DOCK4: variants seen among roughly 807,000 people sequenced by gnomAD.
The protein encoded by DOCK4 is dedicator of cytokinesis 4.
Under a neutral mutation model 268.1 loss-of-function variants are expected in DOCK4, and 97 were observed. That is an observed-to-expected ratio of 0.36 (90% CI 0.31 to 0.43). DOCK4 has a LOEUF of 0.43. Among genes scored for constraint, DOCK4 ranks in the 20% least tolerant of loss-of-function variants. The pLI, the probability that DOCK4 is intolerant of heterozygous loss-of-function variation, is 1.00. For synonymous variants in DOCK4, 954 were observed against 887.2 expected, an observed-to-expected ratio of 1.08 and a Z score of -1.34; for missense variants, 2,145 against 2,455.7, an observed-to-expected ratio of 0.87 and a Z score of 2.67.
At position 111,728,460 on chromosome 7, in the gene DOCK4, G is replaced by C. The variant is rs1163976466; in HGVS notation, c.5742C>G (p.Val1914=). ...KESKTPPPYS[V]YERTLRRPVP... ...CGGGGCGCCGCAGAGTCCGCTCGTA[G>C]ACGCTGTACGGGGGCGGAGTCTTGC... is the stretch of plus-strand genomic sequence containing the variant. The change falls in exon 53 of 53, where the codon GTC becomes GTG. Residue 1914 remains valine (V), a synonymous_variant. Coordinates refer to ENST00000428084, the MANE Select transcript of DOCK4 (RefSeq NM_001363540.2). 1 of 1,609,636 alleles carries C rather than the reference G, an allele frequency of 6.2e-7. No homozygotes were observed. Among genetic ancestry groups the C allele is most frequent in the Admixed American group, 1.7e-5 (1 of 59,750 alleles).
Position 111,869,641 on chromosome 7 carries a change from A to G in DOCK4, c.2042T>C (p.Val681Ala), listed in dbSNP as rs1469685835. 6.2e-7 allele frequency: 1 copy of G among 1,613,284 alleles called. No individual in the cohort carries two copies. Among genetic ancestry groups the G allele is most frequent in the Non-Finnish European group, 8.5e-7 (1 of 1,179,366 alleles). Residue 681 changes from valine to alanine, a missense_variant, in exon 21 of 53, where the codon GTG becomes GCG. Physicochemically the swap from Val to Ala is moderately conservative, Grantham distance 64. Transcript: ENST00000428084. ...GATCCGGTCCACGTACCATTTGAGCACTTTGATGAGATCTCTAAAATACAG... is the reference window on the plus strand; with the variant it reads ...GATCCGGTCCACGTACCATTTGAGCGCTTTGATGAGATCTCTAAAATACAG... ...GALAYRDLIK[V>A]LKWYVDRITE...
intron 45 of DOCK4, 24 bp from the exon 46 acceptor site, chr7:111,741,685 T>G: frequency 6.2e-7 from 1 of 1,609,514 alleles, no homozygotes; most frequent in Non-Finnish European, 8.5e-7. Context: ...AAAGGAAATA[T>G]CTCATTACAG....
chr7:111,945,832 T>C, intron 8 of DOCK4, 34 bp from the exon 9 acceptor site: 1 of 1,493,032 alleles, frequency 6.7e-7, no homozygotes, highest in Non-Finnish European at 9.1e-7. Flanking sequence ...AATTTGAAAA[T>C]TATTTAATAG....
intron 52 of DOCK4, 106 bp downstream of exon 52, chr7:111,732,120 G>A (rs966374180): frequency 8.8e-7 from 1 of 1,138,028 alleles, no homozygotes; most frequent in Non-Finnish European, 1.3e-6. Context: ...TAAGTTCTTT[G>A]CCTGGTCCCT....
Position 112,176,023 on chromosome 7 carries a change from T to C in DOCK4, c.37+30079A>G, listed in dbSNP as rs151130202. Among the ~76,000 whole-genome samples the C allele has an allele frequency of 1.0e-3, 159 of 152,346 alleles. 2 individuals are homozygous for C. The East Asian group carries it at 0.026, about 25-fold the overall frequency. ...TCTCAATTTTGTGGAAAATAAAGAA[T>C]TGGATGCCACCTGAATTGCAAAAGT... On this transcript the variant is annotated intron_variant, in intron 1 of 52. Coordinates refer to ENST00000428084, the MANE Select transcript of DOCK4 (RefSeq NM_001363540.2).
At chr7:112,060,900 T>G (rs1376487090) in intron 1 of DOCK4, among the ~76,000 whole-genome samples, 1 of 152,146 alleles carries the variant, frequency 6.6e-6, no homozygotes, top group East Asian at 1.9e-4. Flanking sequence ...GGACTGATGT[T>G]TGCACAACAC....
chr7:111,983,013 T>C (rs1798726257), intron 7 of DOCK4, among the ~76,000 whole-genome samples: 1 of 152,236 alleles, frequency 6.6e-6, no homozygotes, highest in South Asian at 2.1e-4. Context: ...CTGACCTCTA[T>C]GTTCTCCCTA....
Position 112,018,143 on chromosome 7 carries a change from CAAAAAAAAAAA to C in DOCK4, c.38-14023_38-14013del, listed in dbSNP as rs140883588. Among the ~76,000 whole-genome samples the C allele has an allele frequency of 3.0e-3, 61 of 20,632 alleles. 3 individuals carry two copies. The highest frequency in any genetic ancestry group is 0.013 in the South Asian group (4 of 302). 13.5% of individuals were successfully genotyped at this position (20,632 alleles called of 152,430 possible). A position where few individuals can be genotyped will look rare whatever the true frequency, so the allele number is the denominator to read the frequency against. On this transcript the variant is annotated intron_variant, in intron 1 of 52. Coordinates refer to ENST00000428084, the MANE Select transcript of DOCK4 (RefSeq NM_001363540.2). The stretch of plus-strand genomic sequence containing the variant: ...TGGGCAACACAGCAAGACTCCAGCT[CAAAAAAAAAAA>C]AAAAAAAAAAAAAAAAAAAAAAAAA...
At chr7:112,167,940 G>A (rs914645065) in intron 1 of DOCK4, among the ~76,000 whole-genome samples, 1 of 151,712 alleles carries the variant, frequency 6.6e-6, no homozygotes, top group Non-Finnish European at 1.5e-5. Context: ...AACTTAAAAT[G>A]TAGTCACTTG....
chr7:112,066,993 C>CA (rs1426776080), intron 1 of DOCK4, among the ~76,000 whole-genome samples: 3 of 149,360 alleles, frequency 2.0e-5, no homozygotes, highest in South Asian at 2.1e-4. Context: ...CACACACACA[C>CA]ACAAAAAAAC....
intron 30 of DOCK4, among the ~76,000 whole-genome samples, chr7:111,797,081 T>G (rs1563518243): frequency 6.6e-6 from 1 of 152,224 alleles, no homozygotes; most frequent in African/African-American, 2.4e-5. Context: ...ATCTTCAGTT[T>G]ACACCCCTCT....
intron 1 of DOCK4, among the ~76,000 whole-genome samples, chr7:112,172,126 G>A (rs996228653): frequency 3.9e-5 from 6 of 152,164 alleles, no homozygotes; most frequent in African/African-American, 1.4e-4. Context: ...ATATGAATTA[G>A]GGGTGAAGAG....
rs1310276550 is a variant in DOCK4 at position 112,005,737 on chromosome 7, A to G, written c.38-1606T>C. 2.6e-5 allele frequency among the ~76,000 whole-genome samples: 4 copies of G among 152,140 alleles called. No homozygotes were observed. The East Asian group carries it at 5.8e-4, about 22-fold the overall frequency. On this transcript the variant is annotated intron_variant, in intron 1 of 52. Coordinates refer to ENST00000428084, the MANE Select transcript of DOCK4 (RefSeq NM_001363540.2). ...GAAGTCTTGGTGCATGGACTTCCCA[A>G]CACAGTTTTGTACACAGCTCCTACC...
At position 111,746,478 on chromosome 7, in the gene DOCK4, T is replaced by C. The variant is rs566229999; in HGVS notation, c.4594-61A>G. ...GAGTACAAGGCAAGTCAAAGACAAGTTGTTTTTAAAGACCTGGCATCTTTA... is the reference window on the plus strand; with the variant it reads ...GAGTACAAGGCAAGTCAAAGACAAGCTGTTTTTAAAGACCTGGCATCTTTA... On this transcript the variant is annotated intron_variant, in intron 43 of 52. Transcript: ENST00000428084. 7 of 1,399,146 alleles carry C rather than the reference T, an allele frequency of 5.0e-6. No homozygotes were observed. The East Asian group carries it at 1.7e-4, about 33-fold the overall frequency. The allele number at this position is 1,399,146 out of a possible 1,614,324, so 86.7% of individuals were successfully genotyped here. A position where few individuals can be genotyped will look rare whatever the true frequency, so the allele number is the denominator to read the frequency against.
intron 23 of DOCK4, among the ~76,000 whole-genome samples, chr7:111,852,618 A>C (rs1804675128): frequency 1.3e-5 from 2 of 152,158 alleles, no homozygotes; most frequent in Non-Finnish European, 2.9e-5. Flanking sequence ...GGGGGATTTG[A>C]TTTCTAAAAA....
At chr7:111,811,186 C>A (rs560606137) in intron 28 of DOCK4, among the ~76,000 whole-genome samples, 5 of 151,998 alleles carry the variant, frequency 3.3e-5, no homozygotes, top group East Asian at 1.9e-4. Flanking sequence ...ATTAAAATTC[C>A]TTTTTTATTG....
In DOCK4 at chr7:111,732,303, G is replaced by C. The variant is rs1795154755; in HGVS notation, c.5420-16C>G. The C allele has an allele frequency of 6.2e-7, 1 of 1,613,668 alleles. No individual in the cohort carries two copies. The highest frequency in any genetic ancestry group is 1.3e-5 in the African/African-American group (1 of 75,028). On this transcript the variant is annotated splice_polypyrimidine_tract_variant and intron_variant, in intron 51 of 52. Coordinates refer to ENST00000428084, the MANE Select transcript of DOCK4 (RefSeq NM_001363540.2). ...GCTGGTGAAGCTGTCAATGGGGAGA[G>C]AGATAACATTTCAATTAAGAAAAAC...
chr7:111,820,899 G>A (rs1418679037), intron 27 of DOCK4: 1 of 152,078 alleles, frequency 6.6e-6, no homozygotes, highest in Non-Finnish European at 1.5e-5. Context: ...TTTGCTCTTT[G>A]GTTATAAGGC....
At chr7:112,136,519 T>C (rs1459996968) in intron 1 of DOCK4, among the ~76,000 whole-genome samples, 1 of 152,186 alleles carries the variant, frequency 6.6e-6, no homozygotes, top group East Asian at 1.9e-4. Context: ...GTCAAGCCCT[T>C]TGCTGGGGGA....
Sources: gnomAD v4.1 joint callset for allele counts (sites outside exome capture counted in the v4.1 genomes callset) on GRCh38, gnomAD v4.1.1 for gene constraint, MANE v1.5 for transcripts, NCBI Gene and HGNC (gene_info 2026-07-23, HGNC 2026-07-21) for gene names.